SLIT3: variants seen among roughly 807,000 people sequenced by gnomAD.
The protein encoded by SLIT3 is slit homolog 3 protein.
SLIT3 carries 68 observed loss-of-function variants against 184.0 expected under a neutral mutation model. That is an observed-to-expected ratio of 0.37 (90% confidence interval 0.30 to 0.45). The LOEUF (loss-of-function observed/expected upper bound fraction) is 0.45. SLIT3 is among the 20% of genes least tolerant of loss of function. The probability of loss-of-function intolerance (pLI) is 1.00; values close to 1 mark genes in which losing one functional copy is unlikely to be tolerated. For synonymous variants in SLIT3, 831 were observed against 828.6 expected, an observed-to-expected ratio of 1.00 and a Z score of -0.05; for missense variants, 1,707 against 2,026.0, an observed-to-expected ratio of 0.84 and a Z score of 3.02.
intron 4 of SLIT3, among the ~76,000 whole-genome samples, chr5:169,066,751 T>TA (rs1758361443): frequency 2.0e-5 from 3 of 152,054 alleles, no homozygotes; most frequent in Non-Finnish European, 4.4e-5. Flanking sequence ...AATTGAAATG[T>TA]TGCTTACAAT....
At chr5:168,924,657 A>G (rs1761754318) in intron 4 of SLIT3, among the ~76,000 whole-genome samples, 2 of 151,972 alleles carry the variant, frequency 1.3e-5, no homozygotes, top group Non-Finnish European at 2.9e-5. Flanking sequence ...TTAGAGATAC[A>G]TGCCACCACA....
chr5:169,152,619 C>T (rs1459131492), intron 4 of SLIT3, among the ~76,000 whole-genome samples: 2 of 152,118 alleles, frequency 1.3e-5, no homozygotes, highest in Non-Finnish European at 2.9e-5. Context: ...TACTCTAGAG[C>T]TGTGTGGGCG....
chr5:169,115,627 C>T (rs908247853), intron 4 of SLIT3, among the ~76,000 whole-genome samples: 1 of 152,192 alleles, frequency 6.6e-6, no homozygotes, highest in Non-Finnish European at 1.5e-5. Context: ...AATTCCTGGT[C>T]GTCAACACAC....
chr5:169,299,481 G>A (rs1210169336), intron 1 of SLIT3, among the ~76,000 whole-genome samples: 1 of 152,104 alleles, frequency 6.6e-6, no homozygotes, highest in Admixed American at 6.5e-5. Context: ...GGGAGAGCAA[G>A]ACACGGAGGG....
chr5:168,766,573 A>G (rs945892359), intron 14 of SLIT3, among the ~76,000 whole-genome samples: 1 of 152,224 alleles, frequency 6.6e-6, no homozygotes, highest in Admixed American at 6.5e-5. Context: ...CATCTGCCTG[A>G]AAACAGAGGG....
intron 3 of SLIT3, among the ~76,000 whole-genome samples, chr5:169,225,823 A>G (rs541265355): frequency 6.6e-5 from 10 of 152,350 alleles, no homozygotes; most frequent in Non-Finnish European, 1.5e-5. Flanking sequence ...GCACCATGGC[A>G]GGGAACCAAA....
At chr5:169,203,841 C>A (rs577316856) in intron 3 of SLIT3, among the ~76,000 whole-genome samples, 9 of 152,010 alleles carry the variant, frequency 5.9e-5, no homozygotes, top group South Asian at 4.2e-4. Context: ...CTACTGTTAG[C>A]CAAGATGGGG....
chr5:168,943,287 C>T (rs1015970237), intron 4 of SLIT3, among the ~76,000 whole-genome samples: 13 of 152,168 alleles, frequency 8.5e-5, no homozygotes, highest in Non-Finnish European at 1.3e-4. Context: ...AAAATTTTCC[C>T]GAGTTCAAGA....
At chr5:169,232,473 C>T (rs547307305) in intron 3 of SLIT3, among the ~76,000 whole-genome samples, 1 of 152,322 alleles carries the variant, frequency 6.6e-6, no homozygotes, top group East Asian at 1.9e-4. Context: ...GATCCACTCA[C>T]CTCAGCCTCC....
intron 9 of SLIT3, among the ~76,000 whole-genome samples, chr5:168,798,457 G>A (rs961757333): frequency 6.6e-6 from 1 of 151,956 alleles, no homozygotes; most frequent in African/African-American, 2.4e-5. Flanking sequence ...TCAAACTCCT[G>A]GCTTCAAGCA....
At chr5:169,167,026 C>T (rs1762660630) in intron 4 of SLIT3, among the ~76,000 whole-genome samples, 1 of 151,928 alleles carries the variant, frequency 6.6e-6, no homozygotes, top group African/African-American at 2.4e-5. Flanking sequence ...TAAGATTAGC[C>T]AGACATGATA....
At chr5:168,804,196 C>A (rs1756870729) in intron 9 of SLIT3, among the ~76,000 whole-genome samples, 1 of 150,108 alleles carries the variant, frequency 6.7e-6, no homozygotes, top group Non-Finnish European at 1.5e-5. Context: ...ATAATCCCAG[C>A]TACTTTGGGA....
At chr5:168,833,493 G>A (rs904641854) in intron 6 of SLIT3, among the ~76,000 whole-genome samples, 4 of 152,196 alleles carry the variant, frequency 2.6e-5, no homozygotes, top group African/African-American at 9.6e-5. Flanking sequence ...CTTCCAGACT[G>A]CCATCTGACT....
At chr5:169,169,164 T>C (rs990910020) in intron 4 of SLIT3, among the ~76,000 whole-genome samples, 3 of 152,086 alleles carry the variant, frequency 2.0e-5, no homozygotes, top group African/African-American at 7.2e-5. Context: ...TCCATGGGAG[T>C]GACAGCACCT....
intron 4 of SLIT3, among the ~76,000 whole-genome samples, chr5:168,890,137 TAAA>T (rs56267999): frequency 7.1e-5 from 7 of 98,678 alleles, no homozygotes; most frequent in Admixed American, 1.2e-4. Flanking sequence ...AGACTCCATC[TAAA>T]AAAAAAAAAA....
Position 168,722,264 on chromosome 5 carries a change from C to T in SLIT3, c.2475G>A (p.Leu825=), listed in dbSNP as rs780702154. 6.2e-7 allele frequency: 1 copy of T among 1,614,044 alleles called. No individual in the cohort carries two copies. Among genetic ancestry groups the T allele is most frequent in the East Asian group, 2.2e-5 (1 of 44,870 alleles). The change falls in exon 23 of 36, where the codon CTG becomes CTA. Residue 825 remains leucine, a synonymous_variant. Coordinates refer to ENST00000519560, the MANE Select transcript of SLIT3 (RefSeq NM_003062.4). ...PVHAFNGLRS[L]RVLTLHGNDI... is the part of the protein sequence containing the mutation. ...CACATTGGGGTACTCACAGCACTCG[C>T]AGGGACCGCAGCCCGTTGAAGGCGT...
chr5:169,119,135 A>G (rs1250253421), intron 4 of SLIT3, among the ~76,000 whole-genome samples: 1 of 152,240 alleles, frequency 6.6e-6, no homozygotes, highest in Non-Finnish European at 1.5e-5. Flanking sequence ...TTTTAAAAGC[A>G]TCAAAGCTGA....
intron 10 of SLIT3, among the ~76,000 whole-genome samples, chr5:168,793,987 G>A (rs36074771): frequency 6.6e-6 from 1 of 152,242 alleles, no homozygotes; most frequent in African/African-American, 2.4e-5. Flanking sequence ...AATTGCACCA[G>A]AAGAAAAGCT....
At chr5:168,985,603 G>C (rs1755093989) in intron 4 of SLIT3, among the ~76,000 whole-genome samples, 2 of 152,132 alleles carry the variant, frequency 1.3e-5, no homozygotes, top group Non-Finnish European at 2.9e-5. Context: ...TGCATGGTGG[G>C]CGCAGCATGT....
Sources: gnomAD v4.1 joint callset for allele counts (sites outside exome capture counted in the v4.1 genomes callset) on GRCh38, gnomAD v4.1.1 for gene constraint, MANE v1.5 for transcripts, NCBI Gene and HGNC (gene_info 2026-07-23, HGNC 2026-07-21) for gene names.